JARID2: variants seen among roughly 807,000 people sequenced by gnomAD.
JARID2 encodes the protein jumonji and AT-rich interaction domain containing 2, also known as protein Jumonji.
JARID2 carries 21 observed loss-of-function variants against 125.6 expected under a neutral mutation model. The observed-to-expected ratio is 0.17, with a 90% confidence interval of 0.12 to 0.24. The LOEUF is 0.24. Ranked by LOEUF, JARID2 falls within the 10% of genes least tolerant of loss-of-function variation. JARID2 has a pLI of 1.00. For synonymous variants in JARID2, 736 were observed against 661.6 expected, an observed-to-expected ratio of 1.11 and a Z score of -1.73; for missense variants, 1,303 against 1,639.6, an observed-to-expected ratio of 0.79 and a Z score of 3.55.
intron 2 of JARID2, chr6:15,400,828 GCTTATTACGTA>G: frequency 7.9e-7 from 1 of 1,270,852 alleles, no homozygotes; most frequent in African/African-American, 1.5e-5. Context: ...ACTGCCGCTT[GCTTATTACGTA>G]CAGGGGAGGA....
rs749143429 is a variant in JARID2, at chr6:15,496,799, G to A, written c.1574G>A (p.Arg525His). ...GKADSASCEN[R>H]STSQPESVHK... is the part of the protein sequence containing the mutation. Reference sequence around the variant, plus strand: ...GCGGACAGCGCCTCCTGTGAAAATCGTTCTACCTCGCAACCGGAGTCCGTG... The same window carrying A: ...GCGGACAGCGCCTCCTGTGAAAATCATTCTACCTCGCAACCGGAGTCCGTG... Residue 525 changes from arginine (R) to histidine (H), a missense_variant, in exon 7 of 18, where the codon CGT (arginine) becomes CAT (histidine). Arg to His is a conservative substitution (Grantham distance 29). Transcript: ENST00000341776. 9.3e-6 allele frequency: 15 copies of A among 1,609,040 alleles called. No individual in the cohort carries two copies. Among genetic ancestry groups the A allele is most frequent in the South Asian group, 7.7e-5 (7 of 90,446 alleles).
At chr6:15,248,446 G>GGCGGGGGCGGGA (rs1417983526) in intron 1 of JARID2, 1 of 139,034 alleles carries the variant, frequency 7.2e-6, no homozygotes, top group Admixed American at 7.0e-5. Context: ...TGGGAGCGGG[G>GGCGGGGGCGGGA]GCGGGGGCGT....
intron 4 of JARID2, among the ~76,000 whole-genome samples, chr6:15,467,793 CAG>C (rs1471578734): frequency 6.6e-6 from 1 of 152,068 alleles, no homozygotes; most frequent in Non-Finnish European, 1.5e-5. Flanking sequence ...GCTTGGGCAA[CAG>C]AGTGAGACCC....
At chr6:15,497,255 T>G in intron 7 of JARID2, 85 bp downstream of exon 7, 6 of 1,065,262 alleles carry the variant, frequency 5.6e-6, no homozygotes, top group Non-Finnish European at 8.0e-6. Context: ...TCACGTTCTC[T>G]TCCCTTGCGA....
chr6:15,480,125 T>C (rs1769540128), intron 5 of JARID2, among the ~76,000 whole-genome samples: 1 of 152,248 alleles, frequency 6.6e-6, no homozygotes, highest in Non-Finnish European at 1.5e-5. Flanking sequence ...CTCTTTTCCC[T>C]TGCTTAACAC....
intron 5 of JARID2, among the ~76,000 whole-genome samples, chr6:15,482,299 C>G (rs566261621): frequency 4.9e-4 from 75 of 152,054 alleles, no homozygotes; most frequent in Non-Finnish European, 1.0e-3. Context: ...AATTCCAGAC[C>G]CCTTTCTACT....
At chr6:15,337,673 C>G (rs1303104067) in intron 1 of JARID2, among the ~76,000 whole-genome samples, 1 of 152,132 alleles carries the variant, frequency 6.6e-6, no homozygotes, top group Non-Finnish European at 1.5e-5. Context: ...CCCCACCCCC[C>G]TGAATTTTCC....
chr6:15,347,987 C>T (rs1394506984), intron 1 of JARID2, among the ~76,000 whole-genome samples: 1 of 152,148 alleles, frequency 6.6e-6, no homozygotes, highest in Non-Finnish European at 1.5e-5. Context: ...CTCCTGGGCT[C>T]AAGAGGAAGC....
chr6:15,433,921 G>GGTGTGTGTGTGTGT (rs146025914), intron 3 of JARID2, among the ~76,000 whole-genome samples: 217 of 131,358 alleles, frequency 1.7e-3, no homozygotes, highest in Middle Eastern at 0.011. Context: ...CACTCTCCAG[G>GGTGTGTGTGTGTGT]GTGTGTGTGT....
In JARID2 at chr6:15,288,485, G is replaced by A. The variant is rs116507844; in HGVS notation, c.45+41901G>A. Among the ~76,000 whole-genome samples the A allele has an allele frequency of 7.1e-3, 1,082 of 152,304 alleles. 17 individuals are homozygous for A. Among genetic ancestry groups the A allele is most frequent in the African/African-American group, 0.024 (998 of 41,566 alleles). Reference sequence around the variant, plus strand: ...TTACATTTCAACATGAAATTTGAGTGGGGACAAATATCTGAACTATATCAA... The same window carrying A: ...TTACATTTCAACATGAAATTTGAGTAGGGACAAATATCTGAACTATATCAA... On this transcript the variant is annotated intron_variant, in intron 1 of 17. Transcript: ENST00000341776.
chr6:15,333,094 G>A lies in JARID2; in HGVS notation c.46-41023G>A, dbSNP rs147265422. 7.9e-5 allele frequency among the ~76,000 whole-genome samples: 12 copies of A among 151,640 alleles called. No individual in the cohort carries two copies. The East Asian group carries it at 2.3e-3, about 30-fold the overall frequency. On this transcript the variant is annotated intron_variant, in intron 1 of 17. Coordinates refer to ENST00000341776, the MANE Select transcript of JARID2 (RefSeq NM_004973.4). ...ACTACAGGCGCCCACCACCAGGCCC[G>A]GCTAATTTTTTGTATTTTTAGTAGA...
chr6:15,419,839 T>C (rs1477814239), intron 3 of JARID2, among the ~76,000 whole-genome samples: 2 of 152,228 alleles, frequency 1.3e-5, no homozygotes, highest in Non-Finnish European at 2.9e-5. Flanking sequence ...CGATGTGCCT[T>C]GGCAGTTTTT....
chr6:15,313,405 C>T (rs1762079512), intron 1 of JARID2, among the ~76,000 whole-genome samples: 1 of 152,148 alleles, frequency 6.6e-6, no homozygotes, highest in South Asian at 2.1e-4. Context: ...CATATCCCAG[C>T]TCCCCAAGCC....
At chr6:15,296,150 TCAAA>T (rs1312814281) in intron 1 of JARID2, among the ~76,000 whole-genome samples, 1 of 152,166 alleles carries the variant, frequency 6.6e-6, no homozygotes, top group African/African-American at 2.4e-5. Flanking sequence ...ATAGTCAAAA[TCAAA>T]CACCAGTGCC....
At chr6:15,286,551 A>C (rs1315297653) in intron 1 of JARID2, among the ~76,000 whole-genome samples, 5 of 148,892 alleles carry the variant, frequency 3.4e-5, no homozygotes, top group Non-Finnish European at 7.4e-5. Context: ...TGCCCGGCTC[A>C]TTGCAGTGTT....
chr6:15,368,829 A>T (rs1431971935), intron 1 of JARID2: 1 of 441,078 alleles, frequency 2.3e-6, no homozygotes, highest in African/African-American at 2.0e-5. Context: ...TTTCTTTCTG[A>T]TGTATATAGG....
chr6:15,400,591 T>TTCTATA (rs1765387877), intron 2 of JARID2, among the ~76,000 whole-genome samples: 1 of 151,870 alleles, frequency 6.6e-6, no homozygotes, highest in Non-Finnish European at 1.5e-5. Context: ...ATTCTATACT[T>TTCTATA]CGGATTTGTC....
Position 15,520,680 on chromosome 6 carries a change from GACACACGCGCAC to G in JARID2, c.*436_*447del. ...AGCAGATTTTTTAGAAGGGATAGGA[GACACACGCGCAC>G]ACACACACACACACGAAACTTGAAA... On this transcript the variant is annotated 3_prime_UTR_variant, in exon 18 of 18. Coordinates refer to ENST00000341776, the MANE Select transcript of JARID2 (RefSeq NM_004973.4). 1 of 401,264 alleles carries G rather than the reference GACACACGCGCAC, an allele frequency of 2.5e-6. No individual in the cohort carries two copies. Among genetic ancestry groups the G allele is most frequent in the South Asian group, 1.7e-5 (1 of 59,588 alleles). 24.9% of individuals were successfully genotyped at this position (401,264 alleles called of 1,614,324 possible).
chr6:15,355,592 T>G (rs1763571769), intron 1 of JARID2, among the ~76,000 whole-genome samples: 1 of 152,018 alleles, frequency 6.6e-6, no homozygotes, highest in South Asian at 2.1e-4. Flanking sequence ...TAGTCCTTAG[T>G]GCATTCCTTC....
Sources: allele counts gnomAD v4.1 joint callset (sites outside exome capture counted in the v4.1 genomes callset), GRCh38; gene constraint gnomAD v4.1.1; transcripts MANE v1.5; gene names NCBI Gene and HGNC (gene_info 2026-07-23, HGNC 2026-07-21).